NRG1: variants seen among roughly 807,000 people sequenced by gnomAD.
NRG1 encodes pro-neuregulin-1, membrane-bound isoform.
NRG1 carries 18 observed loss-of-function variants against 63.8 expected under a neutral mutation model. That is an observed-to-expected ratio of 0.28 (90% CI 0.19 to 0.42). The LOEUF is 0.42. Ranked by LOEUF, NRG1 falls within the 10% of genes least tolerant of loss-of-function variation. NRG1 has a pLI of 1.00. For missense variants in NRG1, 762 were observed against 814.7 expected (o/e 0.94, Z 0.79); for synonymous variants, 302 against 301.3 (o/e 1.00, Z -0.02).
At chr8:31,847,989 C>G (rs1826846881) in intron 1 of NRG1, among the ~76,000 whole-genome samples, 1 of 152,174 alleles carries the variant, frequency 6.6e-6, no homozygotes. Flanking sequence ...GAGCATGACA[C>G]TAGGGTTCCT....
intron 1 of NRG1, among the ~76,000 whole-genome samples, chr8:32,558,325 C>T (rs375002191): frequency 6.6e-6 from 1 of 152,164 alleles, no homozygotes; most frequent in South Asian, 2.1e-4. Context: ...TTAAAAAGCC[C>T]AGTGAAAACC....
intron 1 of NRG1, among the ~76,000 whole-genome samples, chr8:32,205,037 C>T (rs144637489): frequency 1.3e-5 from 2 of 152,204 alleles, no homozygotes; most frequent in African/African-American, 4.8e-5. Flanking sequence ...GTGCAACCTT[C>T]GAACACCATT....
intron 1 of NRG1, among the ~76,000 whole-genome samples, chr8:31,721,352 T>C (rs186821692): frequency 6.6e-6 from 1 of 152,328 alleles, no homozygotes; most frequent in East Asian, 1.9e-4. Context: ...GTTGTATTAA[T>C]GTTTTTCATT....
chr8:32,420,813 T>G (rs977596940), intron 1 of NRG1, among the ~76,000 whole-genome samples: 8 of 152,182 alleles, frequency 5.3e-5, no homozygotes, highest in Non-Finnish European at 7.3e-5. Context: ...TGAGTTGTAG[T>G]CCTCATAATC....
upstream of NRG1, among the ~76,000 whole-genome samples, chr8:32,544,126 T>C (rs1210080067): frequency 5.3e-5 from 8 of 152,116 alleles, no homozygotes; most frequent in Admixed American, 4.6e-4. Flanking sequence ...TCCAAAATAG[T>C]ATACAATTGT....
At chr8:31,958,045 A>AGATAGATC (rs1429799050) in intron 1 of NRG1, among the ~76,000 whole-genome samples, 1 of 690 alleles carries the variant, frequency 1.4e-3, no homozygotes, top group East Asian at 0.013. Flanking sequence ...AGTAGAGACC[A>AGATAGATC]GATAGATAGA....
intron 1 of NRG1, among the ~76,000 whole-genome samples, chr8:32,056,365 G>T (rs142980107): frequency 6.6e-6 from 1 of 152,112 alleles, no homozygotes; most frequent in Non-Finnish European, 1.5e-5. Flanking sequence ...TGCTTTAGTC[G>T]CTGTGACCAG....
At chr8:31,867,466 T>C (rs573889897) in intron 1 of NRG1, among the ~76,000 whole-genome samples, 1 of 152,346 alleles carries the variant, frequency 6.6e-6, no homozygotes, top group African/African-American at 2.4e-5. Flanking sequence ...GTCATTCCAG[T>C]TTCAATCTTG....
At chr8:32,111,319 G>A (rs982198548) in intron 1 of NRG1, among the ~76,000 whole-genome samples, 1 of 152,062 alleles carries the variant, frequency 6.6e-6, no homozygotes, top group Non-Finnish European at 1.5e-5. Context: ...GTTTCACTAT[G>A]TTGGCCAGGC....
At chr8:31,814,870 C>A (rs959672452) in intron 1 of NRG1, among the ~76,000 whole-genome samples, 2 of 151,920 alleles carry the variant, frequency 1.3e-5, no homozygotes, top group Non-Finnish European at 2.9e-5. Flanking sequence ...TGCTCCCATA[C>A]AAATGGTGCC....
chr8:32,505,897 G>A (rs1196630105), intron 1 of NRG1, among the ~76,000 whole-genome samples: 4 of 152,158 alleles, frequency 2.6e-5, no homozygotes, highest in Non-Finnish European at 5.9e-5. Context: ...TAGGGTCCTT[G>A]ACTGACAGCG....
intron 1 of NRG1, among the ~76,000 whole-genome samples, chr8:31,822,293 A>G (rs1824078798): frequency 6.6e-6 from 1 of 152,118 alleles, no homozygotes; most frequent in Non-Finnish European, 1.5e-5. Context: ...TTGTAGTTTC[A>G]TTTGATTATC....
chr8:32,587,616 G>T (rs536806292), intron 1 of NRG1, among the ~76,000 whole-genome samples: 11 of 152,110 alleles, frequency 7.2e-5, no homozygotes, highest in Non-Finnish European at 1.6e-4. Flanking sequence ...GAATCATTTT[G>T]TACCTGGGTT....
intron 1 of NRG1, among the ~76,000 whole-genome samples, chr8:32,159,181 A>G (rs1029444162): frequency 6.6e-6 from 1 of 152,230 alleles, no homozygotes; most frequent in Admixed American, 6.5e-5. Context: ...CCACGATCGT[A>G]TAAAACAATA....
At chr8:32,409,845 G>A (rs1397726197) in intron 1 of NRG1, among the ~76,000 whole-genome samples, 3 of 152,164 alleles carry the variant, frequency 2.0e-5, no homozygotes, top group Admixed American at 6.5e-5. Context: ...TAGGTAATGA[G>A]AGCAAATTGG....
At chr8:32,586,665 T>C (rs1227057842) in intron 1 of NRG1, among the ~76,000 whole-genome samples, 13 of 152,204 alleles carry the variant, frequency 8.5e-5, no homozygotes, top group Admixed American at 8.5e-4. Flanking sequence ...GTTTAAGTTT[T>C]GGTTCTGCAA....
At chr8:32,452,761 G>A (rs1821126013) in intron 1 of NRG1, among the ~76,000 whole-genome samples, 1 of 152,158 alleles carries the variant, frequency 6.6e-6, no homozygotes, top group African/African-American at 2.4e-5. Flanking sequence ...TCTGAACCAT[G>A]TTCAATATTT....
intron 1 of NRG1, among the ~76,000 whole-genome samples, chr8:32,407,281 ATATATATATATAT>A (rs1361811405): frequency 2.2e-5 from 1 of 45,550 alleles, no homozygotes; most frequent in African/African-American, 7.7e-5. Context: ...TATATTATAT[ATATATATATATAT>A]TATATATATA....
At chr8:32,687,329 T>C (rs559790249) in intron 5 of NRG1, among the ~76,000 whole-genome samples, 1 of 152,288 alleles carries the variant, frequency 6.6e-6, no homozygotes, top group East Asian at 1.9e-4. Flanking sequence ...GATGGATGGA[T>C]AGCTGATGGA....
Sources: allele counts gnomAD v4.1 joint callset (sites outside exome capture counted in the v4.1 genomes callset), GRCh38; gene constraint gnomAD v4.1.1; transcripts MANE v1.5; gene names NCBI Gene and HGNC (gene_info 2026-07-23, HGNC 2026-07-21).